THADA: variants seen among roughly 807,000 people sequenced by gnomAD.
THADA encodes the protein THADA armadillo repeat containing.
A neutral mutation model predicts 219.8 loss-of-function variants in THADA; 213 were observed. The ratio of observed to expected loss-of-function variants is 0.97; its 90% CI spans 0.87 to 1.09. The LOEUF (loss-of-function observed/expected upper bound fraction) is 1.09. Ranked by LOEUF, THADA falls within the 50% of genes least tolerant of loss-of-function variation. THADA has a pLI of 0.00. For synonymous variants in THADA, 1,018 were observed against 828.9 expected, an observed-to-expected ratio of 1.23 and a Z score of -3.92; for missense variants, 2,956 against 2,311.3, an observed-to-expected ratio of 1.28 and a Z score of -5.72.
At chr2:43,241,836 C>T (rs368777996) in intron 36 of THADA, among the ~76,000 whole-genome samples, 2 of 152,016 alleles carry the variant, frequency 1.3e-5, no homozygotes, top group Non-Finnish European at 1.5e-5. Flanking sequence ...AGTTGGTGAC[C>T]CCTGTGAAAT....
In THADA at chr2:43,577,109, ATGGCAAGTGTCCCC is replaced by A; in HGVS notation, c.936_949del (p.Gln312HisfsTer32). 6.2e-7 allele frequency: 1 copy of A among 1,613,360 alleles called. No individual in the cohort carries two copies. The highest frequency in any genetic ancestry group is 1.1e-5 in the South Asian group (1 of 90,736). ...CATGCTTCCGTTCTGCCAGTCCAAC[ATGGCAAGTGTCCCC>A]TGACAGAGGAATAAGACAGCTGACT... On this transcript the variant is annotated frameshift_variant, in exon 10 of 38. Coordinates refer to ENST00000405975, the MANE Select transcript of THADA (RefSeq NM_022065.5). LOFTEE classifies it high-confidence loss of function.
In THADA at chr2:43,527,876, T is replaced by C. The variant is rs1234470349; in HGVS notation, c.3374+3A>G. On this transcript the variant is annotated splice_donor_region_variant and intron_variant, in intron 22 of 37. Transcript: ENST00000405975. ...AACGTACACAAAAGGATATTTGTTT[T>C]ACCTGTTTAGTACTTCAGTGAGTTT... The C allele has an allele frequency of 1.0e-5, 16 of 1,591,892 alleles. No homozygotes were observed. Among genetic ancestry groups the C allele is most frequent in the Non-Finnish European group, 1.3e-5 (15 of 1,161,704 alleles).
intron 22 of THADA, among the ~76,000 whole-genome samples, chr2:43,510,680 A>T (rs980601018): frequency 6.6e-6 from 1 of 151,226 alleles, no homozygotes. Flanking sequence ...AAAAAAAAAA[A>T]ATTGGGCCGG....
At chr2:43,509,339 G>C (rs1394577096) in intron 22 of THADA, among the ~76,000 whole-genome samples, 2 of 152,156 alleles carry the variant, frequency 1.3e-5, no homozygotes, top group Non-Finnish European at 2.9e-5. Context: ...TTACATCAGT[G>C]AGCTTCTGCA....
intron 32 of THADA, 113 bp downstream of exon 32, chr2:43,292,721 T>C: frequency 1.5e-6 from 2 of 1,334,044 alleles, no homozygotes; most frequent in South Asian, 1.4e-5. Flanking sequence ...ATCTACTTCC[T>C]ATTGCCCCTG....
intron 29 of THADA, among the ~76,000 whole-genome samples, chr2:43,387,264 A>G (rs954376475): frequency 2.6e-5 from 4 of 152,182 alleles, no homozygotes; most frequent in African/African-American, 4.8e-5. Context: ...GACTCTGAGG[A>G]GGGCAGAATT....
At chr2:43,545,348 G>C (rs933499232) in intron 20 of THADA, among the ~76,000 whole-genome samples, 1 of 151,826 alleles carries the variant, frequency 6.6e-6, no homozygotes, top group Admixed American at 6.5e-5. Flanking sequence ...TTTTGGTTGT[G>C]TCTCTGCCTG....
At position 43,287,058 on chromosome 2, in the gene THADA, T is replaced by C; in HGVS notation, c.5014A>G (p.Arg1672Gly). 6.2e-7 allele frequency: 1 copy of C among 1,611,798 alleles called. No individual in the cohort carries two copies. Among genetic ancestry groups the C allele is most frequent in the Non-Finnish European group, 8.5e-7 (1 of 1,178,544 alleles). ...TTCAGCTCAGCAGCTATCAATTCCC[T>C]GTTCTAAAAGCACAAAATGTACCTA... ...SHHMQTCVEN[R>G]ELIAAELKQW... Residue 1672 changes from arginine to glycine, a missense_variant, in exon 35 of 38, where the codon AGG becomes GGG. Physicochemically the swap from Arg to Gly is moderately radical, Grantham distance 125 (BLOSUM62 -2). Transcript: ENST00000405975.
chr2:43,432,017 C>A (rs1373774309), intron 26 of THADA, among the ~76,000 whole-genome samples: 1 of 130,428 alleles, frequency 7.7e-6, no homozygotes. Context: ...CCACTACGCC[C>A]GGCTAATTTT....
intron 26 of THADA, among the ~76,000 whole-genome samples, chr2:43,472,712 T>C (rs1379617526): frequency 6.6e-6 from 1 of 152,214 alleles, no homozygotes; most frequent in Non-Finnish European, 1.5e-5. Context: ...CATTGTAGTG[T>C]AAACATCGTA....
At chr2:43,339,588 T>C in intron 30 of THADA, among the ~76,000 whole-genome samples, 1 of 152,172 alleles carries the variant, frequency 6.6e-6, no homozygotes, top group Non-Finnish European at 1.5e-5. Flanking sequence ...CCCTGACTAG[T>C]CCATTTAGTT....
chr2:43,406,594 G>C (rs929012890), intron 28 of THADA, among the ~76,000 whole-genome samples: 1 of 152,264 alleles, frequency 6.6e-6, no homozygotes, highest in Admixed American at 6.5e-5. Flanking sequence ...TCCTGACTCT[G>C]GGAAAAATAT....
chr2:43,437,953 AATTC>A (rs1290877092), intron 26 of THADA, among the ~76,000 whole-genome samples: 1 of 152,180 alleles, frequency 6.6e-6, no homozygotes, highest in Non-Finnish European at 1.5e-5. Flanking sequence ...ATCAAAATGA[AATTC>A]ACAGAAAATA....
chr2:43,473,139 T>C lies in THADA; in HGVS notation c.3836+12095A>G, dbSNP rs1409928431. ...TAAATTAATCTTAGCTTACTGTAACTTTTACTTTATAAACTTAAAATTTTT... is the reference window on the plus strand; with the variant it reads ...TAAATTAATCTTAGCTTACTGTAACCTTTACTTTATAAACTTAAAATTTTT... On this transcript the variant is annotated intron_variant, in intron 26 of 37. Transcript: ENST00000405975. Among the ~76,000 whole-genome samples, 3 of 152,218 alleles carry C rather than the reference T, an allele frequency of 2.0e-5. No homozygotes were observed. The East Asian group carries it at 5.8e-4, about 29-fold the overall frequency.
chr2:43,481,437 A>G (rs1686208979), intron 26 of THADA, among the ~76,000 whole-genome samples: 1 of 152,220 alleles, frequency 6.6e-6, no homozygotes, highest in Non-Finnish European at 1.5e-5. Context: ...CACAGTAAAC[A>G]AAACTATTAT....
intron 26 of THADA, among the ~76,000 whole-genome samples, chr2:43,456,396 C>G (rs1387123428): frequency 6.6e-6 from 1 of 152,016 alleles, no homozygotes; most frequent in Non-Finnish European, 1.5e-5. Context: ...AAACCATGTT[C>G]CACAGATTAT....
chr2:43,489,888 A>AAAAAAAAAAAAAAAAAAAAG (rs1687415380), intron 25 of THADA, among the ~76,000 whole-genome samples: 2 of 151,530 alleles, frequency 1.3e-5, no homozygotes, highest in African/African-American at 4.9e-5. Flanking sequence ...AAAAAAAAAA[A>AAAAAAAAAAAAAAAAAAAAG]AAAAAAGCTA....
At chr2:43,405,381 G>A (rs1675412748) in intron 28 of THADA, among the ~76,000 whole-genome samples, 2 of 152,192 alleles carry the variant, frequency 1.3e-5, no homozygotes, top group South Asian at 4.1e-4. Flanking sequence ...ATTTCTGCAC[G>A]ACCTGTAAGT....
chr2:43,567,201 T>C (rs2103977876), intron 14 of THADA, among the ~76,000 whole-genome samples: 1 of 152,270 alleles, frequency 6.6e-6, no homozygotes, highest in East Asian at 1.9e-4. Flanking sequence ...CCCTGGGGAA[T>C]TATCCTTTAG....
Sources: gnomAD v4.1 joint callset for allele counts (sites outside exome capture counted in the v4.1 genomes callset) on GRCh38, gnomAD v4.1.1 for gene constraint, MANE v1.5 for transcripts, NCBI Gene and HGNC (gene_info 2026-07-23, HGNC 2026-07-21) for gene names.